The following EPHA4 variants were observed in gnomAD, a reference collection of about 807,000 sequenced individuals.
The protein encoded by EPHA4 is ephrin type-A receptor 4.
Under a neutral mutation model 108.3 loss-of-function variants are expected in EPHA4, and 19 were observed. That is an observed-to-expected ratio of 0.18 (90% CI 0.12 to 0.26). The LOEUF (loss-of-function observed/expected upper bound fraction) is 0.26. Among genes scored for constraint, EPHA4 ranks in the 10% least tolerant of loss-of-function variants. The probability of loss-of-function intolerance (pLI) is 1.00; values close to 1 mark genes in which losing one functional copy is unlikely to be tolerated. For synonymous variants in EPHA4, 449 were observed against 455.5 expected (o/e 0.99, Z 0.18); for missense variants, 917 against 1,254.0 (o/e 0.73, Z 4.06).
intron 4 of EPHA4, among the ~76,000 whole-genome samples, chr2:221,492,499 G>C (rs1040101471): frequency 2.0e-5 from 3 of 152,098 alleles, no homozygotes; most frequent in African/African-American, 7.2e-5. Context: ...AAGCTCACCT[G>C]GTGATCTTTC....
At chr2:221,438,517 G>A (rs186580547) in intron 11 of EPHA4, among the ~76,000 whole-genome samples, 147 of 152,262 alleles carry the variant, frequency 9.7e-4, no homozygotes, top group African/African-American at 3.3e-3. Context: ...GCAGGGCACG[G>A]TGGCTCACAC....
intron 3 of EPHA4, among the ~76,000 whole-genome samples, chr2:221,545,477 C>T (rs896443809): frequency 9.2e-5 from 14 of 151,798 alleles, no homozygotes; most frequent in Non-Finnish European, 2.1e-4. Flanking sequence ...TTAAAAAAAA[C>T]AAAAAACAAA....
intron 3 of EPHA4, among the ~76,000 whole-genome samples, chr2:221,531,269 T>G (rs1693504490): frequency 6.6e-6 from 1 of 152,144 alleles, no homozygotes; most frequent in Non-Finnish European, 1.5e-5. Context: ...TAGTATAGAT[T>G]AATAGATTAA....
chr2:221,530,712 T>C (rs1479535509), intron 3 of EPHA4, among the ~76,000 whole-genome samples: 1 of 152,210 alleles, frequency 6.6e-6, no homozygotes, highest in Non-Finnish European at 1.5e-5. Context: ...CATGGAATTC[T>C]GTTCTCTGGC....
chr2:221,435,384 T>C (rs1399910857), intron 13 of EPHA4, among the ~76,000 whole-genome samples: 2 of 150,186 alleles, frequency 1.3e-5, no homozygotes, highest in Non-Finnish European at 3.0e-5. Context: ...CAAAGATCTA[T>C]TCTTTTCTAA....
chr2:221,507,958 A>G (rs1469882599), intron 3 of EPHA4, among the ~76,000 whole-genome samples: 1 of 152,188 alleles, frequency 6.6e-6, no homozygotes, highest in Admixed American at 6.5e-5. Flanking sequence ...AGGACTTGTT[A>G]AAAGACCAAT....
At chr2:221,533,621 G>A (rs1693582822) in intron 3 of EPHA4, among the ~76,000 whole-genome samples, 1 of 148,950 alleles carries the variant, frequency 6.7e-6, no homozygotes, top group Non-Finnish European at 1.5e-5. Context: ...AGTCTATGGA[G>A]TTTCAAAACA....
chr2:221,469,084 C>A (rs1024776301), intron 5 of EPHA4, among the ~76,000 whole-genome samples: 3 of 152,152 alleles, frequency 2.0e-5, no homozygotes, highest in African/African-American at 7.2e-5. Flanking sequence ...GGTCATGAAC[C>A]TGATTAGAGT....
At chr2:221,437,986 C>A (rs1181735709) in intron 11 of EPHA4, among the ~76,000 whole-genome samples, 1 of 152,050 alleles carries the variant, frequency 6.6e-6, no homozygotes, top group Non-Finnish European at 1.5e-5. Context: ...CAGCTCAGGG[C>A]CTCTGTCTTT....
chr2:221,424,452 A>G lies in EPHA4; in HGVS notation c.*819+757T>C, dbSNP rs139068049. Reference sequence around the variant, plus strand: ...TCGTTAAAATCAGCAACTCTTGTTTAAAAGTGATAAAAATGAAATAACTCA... The same window carrying G: ...TCGTTAAAATCAGCAACTCTTGTTTGAAAGTGATAAAAATGAAATAACTCA... On this transcript the variant is annotated intron_variant, in intron 17 of 17. Coordinates refer to ENST00000281821, the MANE Select transcript of EPHA4 (RefSeq NM_004438.5). Among the ~76,000 whole-genome samples the G allele has an allele frequency of 4.1e-4, 62 of 150,048 alleles. 2 individuals are homozygous for G. The highest frequency in any genetic ancestry group is 1.4e-3 in the African/African-American group (56 of 40,692).
chr2:221,552,049 T>C (rs1694178498), intron 3 of EPHA4, among the ~76,000 whole-genome samples: 2 of 152,168 alleles, frequency 1.3e-5, no homozygotes, highest in East Asian at 3.9e-4. Context: ...CATTAGTTAA[T>C]TAGTACCTTT....
At chr2:221,497,134 A>C (rs779804601) in intron 4 of EPHA4, among the ~76,000 whole-genome samples, 1 of 152,188 alleles carries the variant, frequency 6.6e-6, no homozygotes, top group Non-Finnish European at 1.5e-5. Context: ...AGTTTGGGGA[A>C]GGAAGTGACC....
intron 3 of EPHA4, among the ~76,000 whole-genome samples, chr2:221,522,482 AAC>A (rs1248301658): frequency 1.3e-5 from 2 of 152,192 alleles, no homozygotes; most frequent in African/African-American, 2.4e-5. Flanking sequence ...GATATACGGT[AAC>A]AGATTCTTGA....
At chr2:221,430,271 G>T in intron 14 of EPHA4, 120 bp from the exon 15 acceptor site, 2 of 989,538 alleles carry the variant, frequency 2.0e-6, no homozygotes, top group Non-Finnish European at 3.0e-6. Flanking sequence ...CCTGGGAACA[G>T]CTCCAACTCC....
At chr2:221,544,335 C>CT (rs1208131981) in intron 3 of EPHA4, among the ~76,000 whole-genome samples, 1 of 151,830 alleles carries the variant, frequency 6.6e-6, no homozygotes, top group Admixed American at 6.6e-5. Context: ...TATTTATTTA[C>CT]TTTTTTTTGA....
intron 9 of EPHA4, among the ~76,000 whole-genome samples, chr2:221,444,844 G>A (rs1367631916): frequency 2.2e-5 from 3 of 135,268 alleles, no homozygotes; most frequent in African/African-American, 8.0e-5. Context: ...TGCAACCTCC[G>A]CCTCCTGGGT....
chr2:221,495,001 CAAAAAAAAA>C (rs5838887), intron 4 of EPHA4, among the ~76,000 whole-genome samples: 1 of 85,500 alleles, frequency 1.2e-5, no homozygotes, highest in Non-Finnish European at 2.3e-5. Context: ...GCAATGTTGC[CAAAAAAAAA>C]AAAAAAAAAA....
intron 7 of EPHA4, 126 bp downstream of exon 7, chr2:221,456,487 T>A (rs1690955489): frequency 3.4e-6 from 3 of 885,864 alleles, no homozygotes; most frequent in African/African-American, 1.7e-5. Flanking sequence ...TCAAGACATA[T>A]TCATTGCAGC....
At chr2:221,469,234 G>C (rs953872146) in intron 5 of EPHA4, among the ~76,000 whole-genome samples, 32 of 152,270 alleles carry the variant, frequency 2.1e-4, no homozygotes, top group African/African-American at 7.7e-4. Flanking sequence ...CATTTCACAA[G>C]GGCATGAAGA....
Sources: gnomAD v4.1 joint callset for allele counts (sites outside exome capture counted in the v4.1 genomes callset) on GRCh38, gnomAD v4.1.1 for gene constraint, MANE v1.5 for transcripts, NCBI Gene and HGNC (gene_info 2026-07-23, HGNC 2026-07-21) for gene names.